The following YIPF4 variants were observed in gnomAD, a reference collection of about 807,000 sequenced individuals.
YIPF4 encodes the protein Yip1 domain family member 4.
In YIPF4, 18 loss-of-function variants were observed where a neutral mutation model predicts 29.4. That is an observed-to-expected ratio of 0.61 (90% confidence interval 0.42 to 0.91). The LOEUF (loss-of-function observed/expected upper bound fraction) is 0.91, where lower values mean the gene tolerates loss of function less well. Ranked by LOEUF, YIPF4 falls within the 40% of genes least tolerant of loss-of-function variation. YIPF4 has a pLI of 0.00. For synonymous variants in YIPF4, 115 were observed against 104.7 expected (o/e 1.10, Z -0.60); for missense variants, 279 against 282.7 (o/e 0.99, Z 0.09).
At position 32,278,032 on chromosome 2, in the gene YIPF4, G is replaced by C; in HGVS notation, c.-124G>C. On this transcript the variant is annotated 5_prime_UTR_variant, in exon 1 of 6. Transcript: ENST00000238831. ...GTGCCCGTTTCTGGCCTCGCTCGCAGCTTGCACGTCGAGACTCGTAGGCCG... is the reference window on the plus strand; with the variant it reads ...GTGCCCGTTTCTGGCCTCGCTCGCACCTTGCACGTCGAGACTCGTAGGCCG... 1.3e-6 allele frequency: 1 copy of C among 796,250 alleles called. No homozygotes were observed. The highest frequency in any genetic ancestry group is 1.9e-5 in the South Asian group (1 of 52,214). The allele number at this position is 796,250 out of a possible 1,614,324, so 49.3% of individuals were successfully genotyped here.
chr2:32,284,150 T>C (rs2030555080), intron 1 of YIPF4, among the ~76,000 whole-genome samples: 2 of 152,212 alleles, frequency 1.3e-5, no homozygotes. Context: ...ACTGGGGATA[T>C]ATGTACCAAG....
In YIPF4 at chr2:32,306,961, T is replaced by C; in HGVS notation, c.*1335T>C. 1 of 427,762 alleles carries C rather than the reference T, an allele frequency of 2.3e-6. No individual in the cohort carries two copies. 26.5% of individuals were successfully genotyped at this position (427,762 alleles called of 1,614,324 possible). ...TCTGAAGCAAACCTACAAATGAGTGTGTTATCAAGCCCAGCCGTCTTCCTT... is the reference window on the plus strand; with the variant it reads ...TCTGAAGCAAACCTACAAATGAGTGCGTTATCAAGCCCAGCCGTCTTCCTT... On this transcript the variant is annotated 3_prime_UTR_variant, in exon 6 of 6. Transcript: ENST00000238831.
chr2:32,307,113 AC>A lies in YIPF4; in HGVS notation c.*1489del. ...ATTTTTTTAAAAACAGGTGAGAAGC[AC>A]CAGAGGGACAGGACTTCTAGAAGTT... On this transcript the variant is annotated 3_prime_UTR_variant, in exon 6 of 6. Transcript: ENST00000238831. 7.7e-7 allele frequency: 1 copy of A among 1,299,538 alleles called. No homozygotes were observed. The highest frequency in any genetic ancestry group is 1.0e-6 in the Non-Finnish European group (1 of 987,256). 80.5% of individuals were successfully genotyped at this position (1,299,538 alleles called of 1,614,324 possible).
In YIPF4 at chr2:32,308,124, T is replaced by G. The variant is rs1006487658; in HGVS notation, c.*2498T>G. 3 of 151,944 alleles carry G rather than the reference T, an allele frequency of 2.0e-5. No homozygotes were observed. Among genetic ancestry groups the G allele is most frequent in the African/African-American group, 7.2e-5 (3 of 41,404 alleles). The allele number at this position is 151,944 out of a possible 1,614,324, so 9.4% of individuals were successfully genotyped here. A position where few individuals can be genotyped will look rare whatever the true frequency, so the allele number is the denominator to read the frequency against. On this transcript the variant is annotated 3_prime_UTR_variant, in exon 6 of 6. Coordinates refer to ENST00000238831, the MANE Select transcript of YIPF4 (RefSeq NM_032312.4). ...ATTATTAATTAGAATTTTGTTGTTG[T>G]TGTTTGAGACAGAGTCACTCTGTCA...
At chr2:32,301,683 A>G (rs2031409501) in intron 5 of YIPF4, among the ~76,000 whole-genome samples, 188 bp downstream of exon 5, 2 of 152,140 alleles carry the variant, frequency 1.3e-5, no homozygotes, top group Non-Finnish European at 1.5e-5. Flanking sequence ...ATCACCAGAT[A>G]TTACTGTTTG....
intron 1 of YIPF4, among the ~76,000 whole-genome samples, chr2:32,281,626 T>A (rs530669213): frequency 6.6e-6 from 1 of 152,144 alleles, no homozygotes; most frequent in East Asian, 1.9e-4. Flanking sequence ...TGTGGTGGCT[T>A]ACACCTGTAA....
chr2:32,287,074 A>G (rs2030708862), intron 1 of YIPF4, among the ~76,000 whole-genome samples: 1 of 151,978 alleles, frequency 6.6e-6, no homozygotes, highest in Non-Finnish European at 1.5e-5. Context: ...TTGAAACCCC[A>G]TCTCTACTAA....
Position 32,307,048 on chromosome 2 carries a change from C to A in YIPF4, c.*1422C>A, listed in dbSNP as rs373521597. 2.5e-5 allele frequency: 29 copies of A among 1,140,568 alleles called. No individual in the cohort carries two copies. The highest frequency in any genetic ancestry group is 3.2e-5 in the Non-Finnish European group (28 of 870,662). 70.7% of individuals were successfully genotyped at this position (1,140,568 alleles called of 1,614,324 possible). A position where few individuals can be genotyped will look rare whatever the true frequency, so the allele number is the denominator to read the frequency against. ...TTTAAGCTGCAGAAAAAGTGTGGAG[C>A]ACTTTTGAGCTAGAATAATGTAGAA... is the stretch of plus-strand genomic sequence containing the variant. On this transcript the variant is annotated 3_prime_UTR_variant, in exon 6 of 6. Coordinates refer to ENST00000238831, the MANE Select transcript of YIPF4 (RefSeq NM_032312.4).
At position 32,311,310 on chromosome 2, in the gene YIPF4, T is replaced by A. The variant is rs2031711378; in HGVS notation, c.*5684T>A. 6.6e-6 allele frequency: 1 copy of A among 152,218 alleles called. No homozygotes were observed. The highest frequency in any genetic ancestry group is 2.1e-4 in the South Asian group (1 of 4,834). 9.4% of individuals were successfully genotyped at this position (152,218 alleles called of 1,614,324 possible). A position where few individuals can be genotyped will look rare whatever the true frequency, so the allele number is the denominator to read the frequency against. On this transcript the variant is annotated 3_prime_UTR_variant, in exon 6 of 6. Transcript: ENST00000238831. The stretch of plus-strand genomic sequence containing the variant: ...GAGAATGTTCCCTATACAAGGCATA[T>A]GTTATTAAACATGAAATTTAGGATT...
rs1292749614 is a variant in YIPF4, at chr2:32,305,482, T to C, written c.598-7T>C. On this transcript the variant is annotated splice_polypyrimidine_tract_variant and splice_region_variant and intron_variant, in intron 5 of 5. Transcript: ENST00000238831. ...GCTGCCTTTTGTCTTTTTTCCTTTT[T>C]TTAAAGCTGTTTGGTGTGTTTTGGG... 2.6e-6 allele frequency: 4 copies of C among 1,536,986 alleles called. No individual in the cohort carries two copies. The East Asian group carries it at 7.0e-5, about 27-fold the overall frequency.
intron 1 of YIPF4, among the ~76,000 whole-genome samples, chr2:32,280,215 C>T (rs952995299): frequency 3.3e-5 from 5 of 151,738 alleles, no homozygotes; most frequent in Non-Finnish European, 5.9e-5. Flanking sequence ...GCAAGCTCCG[C>T]TTCCCAGGTT....
rs868379946 is a variant in YIPF4 at position 32,281,249 on chromosome 2, T to C, written c.79+3015T>C. Among the ~76,000 whole-genome samples the C allele has an allele frequency of 1.1e-4, 16 of 152,106 alleles. No homozygotes were observed. The South Asian group carries it at 2.9e-3, about 28-fold the overall frequency. On this transcript the variant is annotated intron_variant, in intron 1 of 5. Transcript: ENST00000238831. Reference sequence around the variant, plus strand: ...CTACTCATTTGATCTTTTTTTTTTTTTCCTTTTTTGAGACAGAGTTTCACT... The same window carrying C: ...CTACTCATTTGATCTTTTTTTTTTTCTCCTTTTTTGAGACAGAGTTTCACT...
chr2:32,285,556 A>G (rs1020298911), intron 1 of YIPF4, among the ~76,000 whole-genome samples: 2 of 151,934 alleles, frequency 1.3e-5, no homozygotes, highest in Non-Finnish European at 2.9e-5. Context: ...TGTTATTGTG[A>G]CCATTTCAGC....
In YIPF4 at chr2:32,278,151, G is replaced by A. The variant is rs1293225021; in HGVS notation, c.-5G>A. 10 of 1,555,586 alleles carry A rather than the reference G, an allele frequency of 6.4e-6. No individual in the cohort carries two copies. In the South Asian group the frequency reaches 8.3e-5, roughly 13 times the overall value. ...CTACCGCGGCCGGTTGGGAGTCGCC[G>A]CGAGATGCAGCCTCCGGGCCCGCCC... On this transcript the variant is annotated 5_prime_UTR_variant, in exon 1 of 6. Transcript: ENST00000238831.
intron 4 of YIPF4, 78 bp downstream of exon 4, chr2:32,298,389 C>A: frequency 9.3e-7 from 1 of 1,078,424 alleles, no homozygotes. Context: ...TCATCATTAG[C>A]TATACAAGAA....
At chr2:32,280,120 AAT>A (rs372016530) in intron 1 of YIPF4, among the ~76,000 whole-genome samples, 18 of 120,328 alleles carry the variant, frequency 1.5e-4, no homozygotes, top group East Asian at 6.0e-4. Context: ...GTGCCCAGCT[AAT>A]ATATATATAT....
chr2:32,298,401 C>A, intron 4 of YIPF4, 90 bp downstream of exon 4: 1 of 929,212 alleles, frequency 1.1e-6, no homozygotes, highest in Non-Finnish European at 1.7e-6. Flanking sequence ...ATACAAGAAA[C>A]TTTCTTGTCC....
intron 1 of YIPF4, among the ~76,000 whole-genome samples, chr2:32,283,921 C>T (rs1230263310): frequency 3.3e-5 from 5 of 151,878 alleles, no homozygotes; most frequent in South Asian, 2.1e-4. Context: ...GGTTTTACCA[C>T]GTTGGTCAGG....
chr2:32,305,737 G>T lies in YIPF4; in HGVS notation c.*111G>T, dbSNP rs2148968455. On this transcript the variant is annotated 3_prime_UTR_variant, in exon 6 of 6. Coordinates refer to ENST00000238831, the MANE Select transcript of YIPF4 (RefSeq NM_032312.4). ...TTGCTGCAAAATTTTACATGTTCCAGATGGAAAGGGAAGTCTAAGCGCTTT... is the reference window on the plus strand; with the variant it reads ...TTGCTGCAAAATTTTACATGTTCCATATGGAAAGGGAAGTCTAAGCGCTTT... 1.5e-6 allele frequency: 2 copies of T among 1,294,304 alleles called. No individual in the cohort carries two copies. The highest frequency in any genetic ancestry group is 2.8e-5 in the South Asian group (1 of 36,288). The allele number at this position is 1,294,304 out of a possible 1,614,324, so 80.2% of individuals were successfully genotyped here. A position where few individuals can be genotyped will look rare whatever the true frequency, so the allele number is the denominator to read the frequency against.
Sources: allele counts gnomAD v4.1 joint callset (sites outside exome capture counted in the v4.1 genomes callset), GRCh38; gene constraint gnomAD v4.1.1; transcripts MANE v1.5; gene names NCBI Gene and HGNC (gene_info 2026-07-23, HGNC 2026-07-21).